The following PHF20 variants were observed in gnomAD, a reference collection of about 807,000 sequenced individuals.
The protein encoded by PHF20 is PHD finger protein 20, also known as glioma-expressed antigen 2.
A neutral mutation model predicts 113.5 loss-of-function variants in PHF20; 23 were observed. The observed-to-expected ratio is 0.20, with a 90% confidence interval of 0.15 to 0.29. The LOEUF (loss-of-function observed/expected upper bound fraction) is 0.29, where lower values mean the gene tolerates loss of function less well. PHF20 is among the 10% of genes least tolerant of loss of function. The pLI is 1.00. For missense variants in PHF20, 943 were observed against 1,219.6 expected (o/e 0.77, Z 3.38); for synonymous variants, 434 against 457.3 (o/e 0.95, Z 0.65).
At chr20:35,843,784 G>A (rs987856789) in intron 3 of PHF20, among the ~76,000 whole-genome samples, 1 of 151,928 alleles carries the variant, frequency 6.6e-6, no homozygotes, top group Non-Finnish European at 1.5e-5. Context: ...TCGTATTGTT[G>A]CCCAGGCTGG....
intron 4 of PHF20, among the ~76,000 whole-genome samples, chr20:35,848,872 A>AAAAG (rs1294485422): frequency 4.6e-5 from 7 of 151,860 alleles, no homozygotes; most frequent in African/African-American, 1.7e-4. Flanking sequence ...AAAAAAAAAA[A>AAAAG]AAAGTCTTTT....
At chr20:35,857,928 A>T (rs1434608315) in intron 4 of PHF20, among the ~76,000 whole-genome samples, 1 of 152,198 alleles carries the variant, frequency 6.6e-6, no homozygotes, top group East Asian at 1.9e-4. Flanking sequence ...GAACGTAAAG[A>T]TTAAATTATA....
intron 4 of PHF20, chr20:35,850,979 A>G: frequency 4.6e-6 from 2 of 439,120 alleles, no homozygotes; most frequent in South Asian, 2.2e-5. Context: ...TTTGTAGGAG[A>G]GACAGAGTTT....
chr20:35,790,744 A>T (rs2041528041), intron 1 of PHF20, among the ~76,000 whole-genome samples: 1 of 152,158 alleles, frequency 6.6e-6, no homozygotes, highest in South Asian at 2.1e-4. Flanking sequence ...TTTAAGCTCC[A>T]AAAGAGAGTT....
chr20:35,861,811 C>T (rs1175334997), intron 5 of PHF20, among the ~76,000 whole-genome samples: 1 of 151,800 alleles, frequency 6.6e-6, no homozygotes, highest in African/African-American at 2.4e-5. Flanking sequence ...AAAAATATTT[C>T]CTTGTTTATT....
intron 12 of PHF20, 90 bp downstream of exon 12, chr20:35,914,287 C>A: frequency 7.8e-7 from 1 of 1,278,266 alleles, no homozygotes; most frequent in Non-Finnish European, 1.1e-6. Context: ...TGGTTCTAGG[C>A]CACTACAATA....
intron 1 of PHF20, among the ~76,000 whole-genome samples, chr20:35,779,840 C>T (rs576867516): frequency 1.8e-4 from 28 of 152,256 alleles, no homozygotes; most frequent in Non-Finnish European, 2.8e-4. Context: ...CTTGCTTCTA[C>T]AGGTGCACAG....
intron 5 of PHF20, among the ~76,000 whole-genome samples, chr20:35,858,967 G>T (rs1356797976): frequency 6.6e-6 from 1 of 151,972 alleles, no homozygotes; most frequent in Non-Finnish European, 1.5e-5. Flanking sequence ...TTCAACAATG[G>T]TTATTCTTTT....
chr20:35,842,403 A>C (rs907590300), intron 2 of PHF20, among the ~76,000 whole-genome samples, 170 bp from the exon 3 acceptor site: 1 of 152,178 alleles, frequency 6.6e-6, no homozygotes, highest in African/African-American at 2.4e-5. Flanking sequence ...TTTGGACCTC[A>C]AGTCTGTTAC....
At chr20:35,776,548 C>T (rs1033461711) in intron 1 of PHF20, among the ~76,000 whole-genome samples, 1 of 152,138 alleles carries the variant, frequency 6.6e-6, no homozygotes, top group African/African-American at 2.4e-5. Context: ...CAAAGACTAC[C>T]TCTGAAAGTG....
chr20:35,899,003 C>T (rs1028756672), intron 9 of PHF20, among the ~76,000 whole-genome samples: 5 of 152,104 alleles, frequency 3.3e-5, no homozygotes, highest in Non-Finnish European at 7.3e-5. Context: ...CCTGCCTTGG[C>T]CTCCCAAAGT....
chr20:35,898,062 G>T (rs1163481523), intron 9 of PHF20, among the ~76,000 whole-genome samples: 1 of 151,794 alleles, frequency 6.6e-6, no homozygotes. Context: ...TTTTAGTAGA[G>T]ATGGGGTTTC....
Position 35,813,151 on chromosome 20 carries a change from T to C in PHF20, c.83+11546T>C, listed in dbSNP as rs149387786. On this transcript the variant is annotated intron_variant, in intron 2 of 17. Transcript: ENST00000374012. ...CCCGGCTAATTTTTTTTGTATTTTT[T>C]AGTAGAGACTGGGTTTCACCCTGTT... Among the ~76,000 whole-genome samples the C allele has an allele frequency of 8.5e-3, 1,295 of 152,038 alleles. 14 individuals carry two copies. The highest frequency in any genetic ancestry group is 0.029 in the African/African-American group (1,205 of 41,492).
intron 3 of PHF20, among the ~76,000 whole-genome samples, chr20:35,843,282 G>T (rs1442414492): frequency 6.6e-6 from 1 of 151,782 alleles, no homozygotes; most frequent in East Asian, 1.9e-4. Flanking sequence ...CACTTTGGGA[G>T]GCGGAGACAG....
At chr20:35,826,396 C>T (rs6060625) in intron 2 of PHF20, among the ~76,000 whole-genome samples, 15,342 of 152,116 alleles carry the variant, frequency 0.1, 804 homozygotes, top group South Asian at 0.15. Flanking sequence ...TTTCTCTAGC[C>T]ACATTTAGCT....
In PHF20 at chr20:35,899,697, C is replaced by A. The variant is rs759395708; in HGVS notation, c.1561+49C>A. 1.9e-6 allele frequency: 3 copies of A among 1,578,042 alleles called. No individual in the cohort carries two copies. In the Admixed American group the frequency reaches 5.3e-5, roughly 28 times the overall value. ...TGTCATGGATGGCTCAGTTGCTTGG[C>A]CACAGTGCTTGTGTTTTCTGACACA... On this transcript the variant is annotated intron_variant, in intron 10 of 17. Coordinates refer to ENST00000374012, the MANE Select transcript of PHF20 (RefSeq NM_016436.5).
intron 17 of PHF20, 93 bp downstream of exon 17, chr20:35,941,140 G>T (rs1004624012): frequency 9.3e-6 from 9 of 971,230 alleles, no homozygotes; most frequent in African/African-American, 1.6e-5. Context: ...GAGTTTACAG[G>T]GACCGCTGTA....
intron 10 of PHF20, among the ~76,000 whole-genome samples, chr20:35,910,724 G>T (rs2055283477): frequency 6.6e-6 from 1 of 151,954 alleles, no homozygotes; most frequent in Admixed American, 6.6e-5. Context: ...TGCCTCCTGG[G>T]CTCAAGCGAT....
At chr20:35,930,240 A>G (rs17122884) in intron 14 of PHF20, among the ~76,000 whole-genome samples, 8,668 of 152,238 alleles carry the variant, frequency 0.057, 392 homozygotes, top group African/African-American at 0.13. Context: ...CATTCATTTG[A>G]TAAGTCCATT....
Sources: gnomAD v4.1 joint callset for allele counts (sites outside exome capture counted in the v4.1 genomes callset) on GRCh38, gnomAD v4.1.1 for gene constraint, MANE v1.5 for transcripts, NCBI Gene and HGNC (gene_info 2026-07-23, HGNC 2026-07-21) for gene names.